ZNF140: variants seen among roughly 807,000 people sequenced by gnomAD.
The protein encoded by ZNF140 is zinc finger protein 140 (clone pHZ-39).
A neutral mutation model predicts 12.9 loss-of-function variants in ZNF140; 13 were observed. The observed-to-expected ratio is 1.01, with a 90% CI of 0.66 to 1.60. The LOEUF (loss-of-function observed/expected upper bound fraction) is 1.60. Among genes scored for constraint, ZNF140 ranks in the 40% most tolerant of loss-of-function variants. The probability of loss-of-function intolerance (pLI) is 0.00; values close to 1 mark genes in which losing one functional copy is unlikely to be tolerated. For missense variants in ZNF140, 531 were observed against 548.8 expected, an observed-to-expected ratio of 0.97 and a Z score of 0.32; for synonymous variants, 214 against 186.7, an observed-to-expected ratio of 1.15 and a Z score of -1.19.
rs2137592641 is a variant in ZNF140 at position 133,105,976 on chromosome 12, T to C, written c.699T>C (p.Ile233=). The change falls in exon 5 of 5, where the codon ATT becomes ATC. Residue 233 remains isoleucine (I), a synonymous_variant. Transcript: ENST00000355557. ...NKTFSYLSFL[I]EHQRTHTGEK... is the part of the protein sequence containing the mutation. ...CATTCAGTTACCTTTCATTTCTTAT[T>C]GAACACCAGAGAACGCACACTGGGG... 6.2e-7 allele frequency: 1 copy of C among 1,614,160 alleles called. No homozygotes were observed. The highest frequency in any genetic ancestry group is 8.5e-7 in the Non-Finnish European group (1 of 1,180,044).
intron 4 of ZNF140, among the ~76,000 whole-genome samples, chr12:133,097,818 CATGTGT>C (rs1225916730): frequency 4.5e-4 from 48 of 106,584 alleles, no homozygotes; most frequent in African/African-American, 1.5e-3. Flanking sequence ...CACATCTAAC[CATGTGT>C]GTGTGTGTGT....
At chr12:133,102,797 A>G (rs1040087455) in intron 4 of ZNF140, among the ~76,000 whole-genome samples, 14 of 151,924 alleles carry the variant, frequency 9.2e-5, no homozygotes, top group African/African-American at 3.1e-4. Flanking sequence ...TAGGCTTTTA[A>G]TAAGTACTGA....
chr12:133,104,651 A>G (rs1464331634), intron 4 of ZNF140, among the ~76,000 whole-genome samples: 26 of 152,298 alleles, frequency 1.7e-4, no homozygotes, highest in African/African-American at 5.1e-4. Flanking sequence ...GCGCCCGGCC[A>G]AGAGTATGAA....
chr12:133,091,621 T>C (rs1325374191), intron 4 of ZNF140, among the ~76,000 whole-genome samples: 1 of 150,194 alleles, frequency 6.7e-6, no homozygotes, highest in African/African-American at 2.5e-5. Flanking sequence ...TCTCCGGAGC[T>C]GTTGTATACA....
In ZNF140 at chr12:133,095,482, G is replaced by A. The variant is rs958009541; in HGVS notation, c.233-10028G>A. The stretch of plus-strand genomic sequence containing the variant: ...ACATCGGGCGCCAGATGAAGGGGTG[G>A]CCTGCCCCTCCACACCTGTGGGTAT... On this transcript the variant is annotated intron_variant, in intron 4 of 4. Transcript: ENST00000355557. Among the ~76,000 whole-genome samples the A allele has an allele frequency of 1.6e-4, 24 of 151,094 alleles. 1 individual carries two copies. The South Asian group carries it at 2.3e-3, about 14-fold the overall frequency.
chr12:133,083,817 G>A lies in ZNF140; in HGVS notation c.232+256G>A, dbSNP rs201471248. On this transcript the variant is annotated intron_variant, in intron 4 of 4. Transcript: ENST00000355557. The stretch of plus-strand genomic sequence containing the variant: ...TGCTAAAAATACAAAAAAATTTGCC[G>A]GGCTTGGTGGCGGGTGCCTGTAGTC... Among the ~76,000 whole-genome samples, 580 of 152,042 alleles carry A rather than the reference G, an allele frequency of 3.8e-3. 5 individuals are homozygous for A. In the East Asian group the frequency reaches 0.038, roughly 10 times the overall value.
chr12:133,083,227 T>C lies in ZNF140; in HGVS notation c.134T>C (p.Leu45Pro). The change falls in exon 3 of 5, where the codon CTG (leucine) becomes CCG (proline). Residue 45 changes from leucine (L) to proline (P), a missense_variant and splice_region_variant. Physicochemically the swap from Leu to Pro is moderately conservative, Grantham distance 98 (BLOSUM62 -3). Coordinates refer to ENST00000355557, the MANE Select transcript of ZNF140 (RefSeq NM_003440.4). ...MLENYGHLVS[L>P]GLSISKPDVV... Reference sequence around the variant, plus strand: ...GAGAACTATGGCCATCTGGTCTCACTGGGTAAGTATTCTTCTTCATCTCCC... The same window carrying C: ...GAGAACTATGGCCATCTGGTCTCACCGGGTAAGTATTCTTCTTCATCTCCC... The C allele has an allele frequency of 1.2e-6, 2 of 1,609,790 alleles. No homozygotes were observed. The highest frequency in any genetic ancestry group is 1.7e-6 in the Non-Finnish European group (2 of 1,176,614).
chr12:133,082,169 CTCATT>C, intron 2 of ZNF140: 1 of 152,328 alleles, frequency 6.6e-6, no homozygotes, highest in African/African-American at 2.4e-5. Context: ...AAATGAGTCC[CTCATT>C]TCAGTTCCAC....
Position 133,105,993 on chromosome 12 carries a change from A to G in ZNF140, c.716A>G (p.His239Arg). Residue 239 changes from histidine to arginine, a missense_variant, in exon 5 of 5, where the codon CAC becomes CGC. His to Arg is a conservative substitution (Grantham distance 29, BLOSUM62 0). Transcript: ENST00000355557. The part of the protein sequence containing the change: ...LSFLIEHQRT[H>R]TGEKPYECTE... ...TTTCTTATTGAACACCAGAGAACGC[A>G]CACTGGGGAGAAACCTTATGAATGT... The G allele has an allele frequency of 6.2e-7, 1 of 1,614,124 alleles. No homozygotes were observed. Among genetic ancestry groups the G allele is most frequent in the Non-Finnish European group, 8.5e-7 (1 of 1,180,004 alleles).
intron 4 of ZNF140, among the ~76,000 whole-genome samples, chr12:133,087,489 C>G: frequency 7.1e-6 from 1 of 141,504 alleles, no homozygotes; most frequent in East Asian, 2.1e-4. Context: ...GGGGTGGAAC[C>G]AAATAATTTG....
chr12:133,081,222 G>C lies in ZNF140; in HGVS notation c.-48-51G>C. ...CCCAGTGCGGGAATCTAGTGACTTG[G>C]GCGCGGCCTAGCTGGCCTGTTCGCT... On this transcript the variant is annotated intron_variant, in intron 1 of 4. Transcript: ENST00000355557. 3 of 928,314 alleles carry C rather than the reference G, an allele frequency of 3.2e-6. No individual in the cohort carries two copies. In the Admixed American group the frequency reaches 6.4e-5, roughly 20 times the overall value. 57.5% of individuals were successfully genotyped at this position (928,314 alleles called of 1,614,324 possible).
At chr12:133,104,497 G>GGC (rs1411639818) in intron 4 of ZNF140, among the ~76,000 whole-genome samples, 133 of 151,858 alleles carry the variant, frequency 8.8e-4, no homozygotes, top group African/African-American at 3.1e-3. Flanking sequence ...GACTACAGGT[G>GGC]CATGCCATCA....
chr12:133,090,855 C>T (rs1380141875), intron 4 of ZNF140, among the ~76,000 whole-genome samples: 17 of 129,660 alleles, frequency 1.3e-4, no homozygotes, highest in Admixed American at 2.4e-4. Flanking sequence ...CCTAGATGTG[C>T]ATGTAATCCA....
intron 4 of ZNF140, among the ~76,000 whole-genome samples, chr12:133,090,079 C>A (rs1175366766): frequency 6.6e-6 from 1 of 151,994 alleles, no homozygotes; most frequent in Non-Finnish European, 1.5e-5. Context: ...GAACTCCTGA[C>A]CTCCAGTAAT....
chr12:133,097,656 A>C (rs1183074533), intron 4 of ZNF140, among the ~76,000 whole-genome samples: 2 of 151,942 alleles, frequency 1.3e-5, no homozygotes, highest in African/African-American at 4.8e-5. Flanking sequence ...AAAAAAAAAA[A>C]AATTACTTAT....
rs1402712507 is a variant in ZNF140 at position 133,090,543 on chromosome 12, G to A, written c.232+6982G>A. 3.3e-5 allele frequency among the ~76,000 whole-genome samples: 5 copies of A among 152,134 alleles called. No homozygotes were observed. In the South Asian group the frequency reaches 1.0e-3, roughly 32 times the overall value. ...ACGTAGATGATTGATTTATGAAGGG[G>A]TGGCCTGCCCCTCCACACCTGTGGG... On this transcript the variant is annotated intron_variant, in intron 4 of 4. Transcript: ENST00000355557.
At chr12:133,090,895 C>T (rs952911160) in intron 4 of ZNF140, among the ~76,000 whole-genome samples, 2 of 140,714 alleles carry the variant, frequency 1.4e-5, no homozygotes, top group Admixed American at 7.2e-5. Context: ...CCAAACATCT[C>T]AGCGGAGTAA....
At chr12:133,098,385 C>T (rs1343933888) in intron 4 of ZNF140, among the ~76,000 whole-genome samples, 2 of 151,788 alleles carry the variant, frequency 1.3e-5, no homozygotes, top group African/African-American at 4.8e-5. Flanking sequence ...TACAGGCATG[C>T]GTGCTACCAT....
Position 133,083,568 on chromosome 12 carries a change from G to T in ZNF140, c.232+7G>T. ...AAAAGAGATCTGTTTTCAGGTGAGTGAGTTGGAAGCTGATGGGGAAATTTT... is the reference window on the plus strand; with the variant it reads ...AAAAGAGATCTGTTTTCAGGTGAGTTAGTTGGAAGCTGATGGGGAAATTTT... On this transcript the variant is annotated splice_region_variant and intron_variant, in intron 4 of 4. Coordinates refer to ENST00000355557, the MANE Select transcript of ZNF140 (RefSeq NM_003440.4). 23 of 1,611,934 alleles carry T rather than the reference G, an allele frequency of 1.4e-5. No homozygotes were observed. Among genetic ancestry groups the T allele is most frequent in the Non-Finnish European group, 1.8e-5 (21 of 1,179,180 alleles).
Sources: gnomAD v4.1 joint callset for allele counts (sites outside exome capture counted in the v4.1 genomes callset) on GRCh38, gnomAD v4.1.1 for gene constraint, MANE v1.5 for transcripts, NCBI Gene and HGNC (gene_info 2026-07-23, HGNC 2026-07-21) for gene names.